Variants in NELL2 observed in about 807,000 individuals in gnomAD.
NELL2 encodes neural EGFL like 2.
NELL2 carries 41 observed loss-of-function variants against 109.6 expected under a neutral mutation model. That is an observed-to-expected ratio of 0.37 (90% CI 0.29 to 0.49). The LOEUF (loss-of-function observed/expected upper bound fraction) is 0.49, where lower values mean the gene tolerates loss of function less well. NELL2 is among the 20% of genes least tolerant of loss of function. The pLI is 0.98. For synonymous variants in NELL2, 355 were observed against 344.7 expected, an observed-to-expected ratio of 1.03 and a Z score of -0.33; for missense variants, 900 against 1,008.3, an observed-to-expected ratio of 0.89 and a Z score of 1.45.
intron 18 of NELL2, among the ~76,000 whole-genome samples, chr12:44,520,959 C>G (rs1941498950): frequency 6.6e-6 from 1 of 152,032 alleles, no homozygotes; most frequent in South Asian, 2.1e-4. Flanking sequence ...AAGGAAGGAA[C>G]AAAAAAGCTT....
chr12:44,580,095 G>T (rs1420733516), intron 15 of NELL2, among the ~76,000 whole-genome samples: 1 of 152,136 alleles, frequency 6.6e-6, no homozygotes, highest in Non-Finnish European at 1.5e-5. Context: ...GTGCTGCAAT[G>T]ATATGTGTTT....
rs564341082 is a variant in NELL2, at chr12:44,530,573, T to C, written c.1804+2008A>G. Among the ~76,000 whole-genome samples, 15 of 152,222 alleles carry C rather than the reference T, an allele frequency of 9.9e-5. No individual in the cohort carries two copies. The South Asian group carries it at 1.0e-3, about 11-fold the overall frequency. On this transcript the variant is annotated intron_variant, in intron 16 of 19. Transcript: ENST00000429094. ...TACTTATTGACTTGATGCTAACAAATATAAAGTGTGAGAAGTGATGGAATG... is the reference window on the plus strand; with the variant it reads ...TACTTATTGACTTGATGCTAACAAACATAAAGTGTGAGAAGTGATGGAATG...
At chr12:44,721,472 T>C (rs1389187615) in intron 9 of NELL2, among the ~76,000 whole-genome samples, 3 of 152,186 alleles carry the variant, frequency 2.0e-5, no homozygotes, top group Non-Finnish European at 4.4e-5. Flanking sequence ...TAATGTATAA[T>C]ATAGTAAGGA....
At chr12:44,710,592 T>C (rs1361773436) in intron 11 of NELL2, among the ~76,000 whole-genome samples, 1 of 152,190 alleles carries the variant, frequency 6.6e-6, no homozygotes, top group Non-Finnish European at 1.5e-5. Flanking sequence ...TACATGAATC[T>C]ATAATAAGAT....
At chr12:44,805,046 G>A (rs1402171075) in intron 3 of NELL2, among the ~76,000 whole-genome samples, 1 of 151,616 alleles carries the variant, frequency 6.6e-6, no homozygotes, top group East Asian at 1.9e-4. Context: ...AATACATAAG[G>A]TTCTTAGGAA....
At chr12:44,626,705 T>G in intron 13 of NELL2, among the ~76,000 whole-genome samples, 1 of 152,134 alleles carries the variant, frequency 6.6e-6, no homozygotes, top group East Asian at 1.9e-4. Flanking sequence ...CAATTTTTTT[T>G]TATTGATGAT....
At chr12:44,615,272 A>G (rs1336513669) in intron 13 of NELL2, among the ~76,000 whole-genome samples, 2 of 152,056 alleles carry the variant, frequency 1.3e-5, no homozygotes, top group African/African-American at 2.4e-5. Context: ...CAGATTCCCA[A>G]TTAAAAACAC....
intron 9 of NELL2, among the ~76,000 whole-genome samples, chr12:44,746,152 C>T (rs1940337537): frequency 6.6e-6 from 1 of 152,160 alleles, no homozygotes; most frequent in African/African-American, 2.4e-5. Context: ...CGCGTATCTA[C>T]AACTATCTGA....
intron 9 of NELL2, among the ~76,000 whole-genome samples, chr12:44,751,079 T>C (rs1252090677): frequency 6.6e-6 from 1 of 152,032 alleles, no homozygotes; most frequent in Non-Finnish European, 1.5e-5. Context: ...CATAAAGAAT[T>C]CATTGAATGC....
intron 1 of NELL2, among the ~76,000 whole-genome samples, chr12:44,911,181 T>G (rs1945775685): frequency 6.6e-6 from 1 of 151,980 alleles, no homozygotes; most frequent in South Asian, 2.1e-4. Flanking sequence ...AATAAAGTAC[T>G]GTTTTACAAA....
chr12:44,542,472 G>A (rs1399753365), intron 15 of NELL2, among the ~76,000 whole-genome samples: 2 of 151,990 alleles, frequency 1.3e-5, no homozygotes, highest in African/African-American at 4.8e-5. Flanking sequence ...TCTGTAGTGG[G>A]CAGAAGAATA....
intron 3 of NELL2, among the ~76,000 whole-genome samples, chr12:44,799,504 T>C (rs919795823): frequency 1.8e-4 from 13 of 70,532 alleles, no homozygotes; most frequent in Non-Finnish European, 4.2e-4. Flanking sequence ...TGAAGTATGG[T>C]AGGTTGAGAA....
At chr12:44,805,529 T>C (rs1942969767) in intron 3 of NELL2, among the ~76,000 whole-genome samples, 1 of 151,880 alleles carries the variant, frequency 6.6e-6, no homozygotes, top group African/African-American at 2.4e-5. Context: ...CTTCATTGTG[T>C]TGGATATTGC....
chr12:44,699,364 G>A (rs1357895663), intron 12 of NELL2, among the ~76,000 whole-genome samples: 3 of 152,118 alleles, frequency 2.0e-5, no homozygotes, highest in Non-Finnish European at 4.4e-5. Context: ...AAGCCATGCT[G>A]TTATAAAATC....
At chr12:44,761,591 C>T (rs912787508) in intron 9 of NELL2, among the ~76,000 whole-genome samples, 5 of 152,072 alleles carry the variant, frequency 3.3e-5, no homozygotes, top group Non-Finnish European at 5.9e-5. Flanking sequence ...CTATTCACAA[C>T]AGCAAAGTCA....
chr12:44,510,623 G>A (rs1940956737), intron 19 of NELL2, among the ~76,000 whole-genome samples: 1 of 152,170 alleles, frequency 6.6e-6, no homozygotes, highest in African/African-American at 2.4e-5. Context: ...TAACTTATTT[G>A]CATCTTTTCT....
chr12:44,852,939 A>T (rs1592655548), intron 2 of NELL2, among the ~76,000 whole-genome samples: 1 of 152,260 alleles, frequency 6.6e-6, no homozygotes, highest in East Asian at 1.9e-4. Flanking sequence ...AGGATAATGA[A>T]ATTTTTGTAG....
rs144989966 is a variant in NELL2 at position 44,699,463 on chromosome 12, G to A, written c.1318+4263C>T. Among the ~76,000 whole-genome samples, 376 of 152,128 alleles carry A rather than the reference G, an allele frequency of 2.5e-3. 1 individual carries two copies. Among genetic ancestry groups the A allele is most frequent in the Non-Finnish European group, 4.4e-3 (298 of 67,992 alleles). Reference sequence around the variant, plus strand: ...TATCATCTGCCTGGCTGAGATACTGGGGCAAGGAGAAAGGGTACAGAAGTT... The same window carrying A: ...TATCATCTGCCTGGCTGAGATACTGAGGCAAGGAGAAAGGGTACAGAAGTT... On this transcript the variant is annotated intron_variant, in intron 12 of 19. Coordinates refer to ENST00000429094, the MANE Select transcript of NELL2 (RefSeq NM_001145108.2).
At chr12:44,892,788 ACT>A (rs1195765682) in intron 1 of NELL2, among the ~76,000 whole-genome samples, 14 of 129,874 alleles carry the variant, frequency 1.1e-4, no homozygotes, top group Non-Finnish European at 1.7e-4. Flanking sequence ...ACAGAGCGAG[ACT>A]CTGTCTCAAA....
Sources: allele counts gnomAD v4.1 joint callset (sites outside exome capture counted in the v4.1 genomes callset), GRCh38; gene constraint gnomAD v4.1.1; transcripts MANE v1.5; gene names NCBI Gene and HGNC (gene_info 2026-07-23, HGNC 2026-07-21).